Variants in SYCP2L observed in about 807,000 individuals in gnomAD.
SYCP2L encodes synaptonemal complex protein 2-like.
A neutral mutation model predicts 125.8 loss-of-function variants in SYCP2L; 98 were observed. That is an observed-to-expected ratio of 0.78 (90% CI 0.66 to 0.92). The LOEUF (loss-of-function observed/expected upper bound fraction) is 0.92. Ranked by LOEUF, SYCP2L falls within the 40% of genes least tolerant of loss-of-function variation. The pLI is 0.00. For synonymous variants in SYCP2L, 317 were observed against 325.4 expected (o/e 0.97, Z 0.28); for missense variants, 842 against 936.4 (o/e 0.90, Z 1.32).
chr6:10,948,859 T>C (rs539323209), intron 23 of SYCP2L, among the ~76,000 whole-genome samples: 30 of 152,322 alleles, frequency 2.0e-4, no homozygotes, highest in African/African-American at 6.3e-4. Flanking sequence ...TCAATTTCCT[T>C]AATAGCCACT....
chr6:10,919,726 A>C (rs1016011979), intron 14 of SYCP2L, among the ~76,000 whole-genome samples: 2 of 151,522 alleles, frequency 1.3e-5, no homozygotes, highest in East Asian at 3.9e-4. Context: ...CTGAACTCAG[A>C]CTCTCCTTGG....
chr6:10,905,881 G>C (rs1780480592), intron 8 of SYCP2L, 139 bp from the exon 9 acceptor site: 8 of 584,340 alleles, frequency 1.4e-5, no homozygotes, highest in Non-Finnish European at 2.4e-5. Flanking sequence ...AATATGTGTT[G>C]GCATTAAGGA....
rs1255969661 is a variant in SYCP2L at position 10,910,808 on chromosome 6, G to A, written c.873-16G>A. 1 of 1,613,486 alleles carries A rather than the reference G, an allele frequency of 6.2e-7. No homozygotes were observed. Among genetic ancestry groups the A allele is most frequent in the Non-Finnish European group, 8.5e-7 (1 of 1,179,690 alleles). On this transcript the variant is annotated splice_polypyrimidine_tract_variant and intron_variant, in intron 11 of 29. Coordinates refer to ENST00000283141, the MANE Select transcript of SYCP2L (RefSeq NM_001040274.3). ...TCATTCATGTTTTATTTTTTTAATTGTGAGGTATTTTGCAGGGTGTATTCA... is the reference window on the plus strand; with the variant it reads ...TCATTCATGTTTTATTTTTTTAATTATGAGGTATTTTGCAGGGTGTATTCA...
chr6:10,950,998 C>T (rs1465403746), intron 23 of SYCP2L, among the ~76,000 whole-genome samples: 1 of 152,050 alleles, frequency 6.6e-6, no homozygotes, highest in African/African-American at 2.4e-5. Flanking sequence ...ATTTTGCCTT[C>T]ATCTACTTTC....
rs765551399 is a variant in SYCP2L, at chr6:10,961,501, A to G, written c.2357A>G (p.Glu786Gly). The G allele has an allele frequency of 1.9e-6, 3 of 1,614,138 alleles. No homozygotes were observed. The highest frequency in any genetic ancestry group is 2.5e-6 in the Non-Finnish European group (3 of 1,179,994). ...ALEHLEKEVL[E>G]FWGKQSADLQ... ...AACAAAACTTTTGTTCAATCTTAGG[A>G]ATTCTGGGGGAAACAGTCTGCTGAT... The change falls in exon 28 of 30, where the codon GAA becomes GGA. Residue 786 changes from glutamate to glycine, a missense_variant and splice_region_variant. Physicochemically the swap from Glu to Gly is moderately conservative, Grantham distance 98. Coordinates refer to ENST00000283141, the MANE Select transcript of SYCP2L (RefSeq NM_001040274.3).
intron 24 of SYCP2L, 81 bp from the exon 25 acceptor site, chr6:10,956,055 C>A (rs1163156197): frequency 8.6e-7 from 1 of 1,164,396 alleles, no homozygotes; most frequent in Non-Finnish European, 1.2e-6. Flanking sequence ...AATAACTCAT[C>A]CTCTGGGCAA....
chr6:10,934,115 C>T (rs1273269906), intron 20 of SYCP2L, among the ~76,000 whole-genome samples: 2 of 152,180 alleles, frequency 1.3e-5, no homozygotes, highest in South Asian at 2.1e-4. Flanking sequence ...GTCTCTGTCT[C>T]GTGCACTCTG....
intron 2 of SYCP2L, among the ~76,000 whole-genome samples, chr6:10,892,379 A>G (rs948591367): frequency 3.3e-5 from 5 of 152,350 alleles, no homozygotes; most frequent in Admixed American, 2.0e-4. Context: ...GGCTTACTGC[A>G]GCCTTGACCT....
rs556783326 is a variant in SYCP2L at position 10,954,420 on chromosome 6, C to T, written c.1955-696C>T. Among the ~76,000 whole-genome samples, 32 of 152,202 alleles carry T rather than the reference C, an allele frequency of 2.1e-4. No individual in the cohort carries two copies. The highest frequency in any genetic ancestry group is 7.5e-4 in the African/African-American group (31 of 41,532). On this transcript the variant is annotated intron_variant, in intron 23 of 29. Coordinates refer to ENST00000283141, the MANE Select transcript of SYCP2L (RefSeq NM_001040274.3). The surrounding 1 kb of genome is among the most constrained non-coding windows in gnomAD (Gnocchi z 4.8). The stretch of plus-strand genomic sequence containing the variant: ...GCAGGAACTCAGAGAGGGAGGGATT[C>T]ATTCCATAGGCAGAACCTTGAGGAT...
intron 14 of SYCP2L, among the ~76,000 whole-genome samples, chr6:10,917,174 G>A (rs1370105855): frequency 6.6e-6 from 1 of 152,166 alleles, no homozygotes; most frequent in Non-Finnish European, 1.5e-5. Context: ...GTTCCAGGGT[G>A]TAGTTTAAAT....
chr6:10,920,696 T>C (rs1780782392), intron 14 of SYCP2L, among the ~76,000 whole-genome samples: 1 of 151,566 alleles, frequency 6.6e-6, no homozygotes, highest in South Asian at 2.1e-4. Context: ...CCTACACAGG[T>C]TTGTTACAGG....
intron 24 of SYCP2L, among the ~76,000 whole-genome samples, chr6:10,955,905 C>A (rs549971117): frequency 6.6e-6 from 1 of 152,154 alleles, no homozygotes; most frequent in South Asian, 2.1e-4. Context: ...ATTACAACAC[C>A]TTGGCCTGCT....
At chr6:10,895,751 G>C (rs1780247961) in intron 4 of SYCP2L, among the ~76,000 whole-genome samples, 1 of 152,036 alleles carries the variant, frequency 6.6e-6, no homozygotes, top group Non-Finnish European at 1.5e-5. Context: ...GCCTCCCAAA[G>C]TGCTGGGATT....
intron 23 of SYCP2L, among the ~76,000 whole-genome samples, chr6:10,946,689 G>A (rs1025168457): frequency 6.6e-6 from 1 of 151,872 alleles, no homozygotes; most frequent in African/African-American, 2.4e-5. Flanking sequence ...TGAAAATTTA[G>A]CTGTCAATCT....
At chr6:10,944,803 C>CAGAGG (rs1230841915) in intron 23 of SYCP2L, among the ~76,000 whole-genome samples, 4 of 152,158 alleles carry the variant, frequency 2.6e-5, no homozygotes, top group South Asian at 2.1e-4. Context: ...CAACCTCTGT[C>CAGAGG]TCCCAGGTTC....
chr6:10,954,768 A>G lies in SYCP2L; in HGVS notation c.1955-348A>G, dbSNP rs187045297. On this transcript the variant is annotated intron_variant, in intron 23 of 29. Coordinates refer to ENST00000283141, the MANE Select transcript of SYCP2L (RefSeq NM_001040274.3). This position sits in a 1 kb window ranked among gnomAD's most constrained non-coding sequence, Gnocchi z 4.8. ...CACTTCCAAAGGCCCATCTGCCTGG[A>G]AACCTTGCTGTCTTGCTATTTAGCT... is the stretch of plus-strand genomic sequence containing the variant. Among the ~76,000 whole-genome samples the G allele has an allele frequency of 3.2e-3, 493 of 152,248 alleles. 6 individuals carry two copies. Among genetic ancestry groups the G allele is most frequent in the African/African-American group, 0.011 (472 of 41,544 alleles).
At chr6:10,923,759 C>T (rs1200420048) in intron 14 of SYCP2L, among the ~76,000 whole-genome samples, 1 of 148,626 alleles carries the variant, frequency 6.7e-6, no homozygotes, top group African/African-American at 2.5e-5. Flanking sequence ...TCTCGGCTCA[C>T]TGCAAGCTCC....
At chr6:10,927,394 C>T (rs772948038) in intron 17 of SYCP2L, 27 bp downstream of exon 17, 62 of 1,581,494 alleles carry the variant, frequency 3.9e-5, no homozygotes, top group Non-Finnish European at 4.8e-5. Flanking sequence ...TTTCCCTAAG[C>T]ATCGGCCAGG....
At chr6:10,952,219 A>C (rs1393257464) in intron 23 of SYCP2L, among the ~76,000 whole-genome samples, 1 of 152,254 alleles carries the variant, frequency 6.6e-6, no homozygotes, top group Non-Finnish European at 1.5e-5. Context: ...TAGTACCTGC[A>C]GCCTCTCCTG....
Sources: allele counts gnomAD v4.1 joint callset (sites outside exome capture counted in the v4.1 genomes callset), GRCh38; gene constraint gnomAD v4.1.1; non-coding constraint Gnocchi (gnomAD v3.1); transcripts MANE v1.5; gene names NCBI Gene and HGNC (gene_info 2026-07-23, HGNC 2026-07-21).